Variants in NUP214 observed in about 807,000 individuals in gnomAD.
NUP214 encodes the protein nucleoporin 214, also known as nuclear pore complex protein Nup214.
NUP214 carries 79 observed loss-of-function variants against 196.2 expected under a neutral mutation model. The ratio of observed to expected loss-of-function variants is 0.40; its 90% CI spans 0.34 to 0.49. The LOEUF is 0.49. Among genes scored for constraint, NUP214 ranks in the 20% least tolerant of loss-of-function variants. The pLI is 0.58. For missense variants in NUP214, 2,468 were observed against 2,539.0 expected (o/e 0.97, Z 0.60); for synonymous variants, 1,020 against 990.5 (o/e 1.03, Z -0.56).
rs528302127 is a variant in NUP214, at chr9:131,233,541, T to C, written c.*54T>C. 2 of 1,606,914 alleles carry C rather than the reference T, an allele frequency of 1.2e-6. No individual in the cohort carries two copies. ...GGGACCAACCGCATCCTCAGCTTCTTCCCCGAGAAATGCTGGAGCAGGCTG... is the reference window on the plus strand; with the variant it reads ...GGGACCAACCGCATCCTCAGCTTCTCCCCCGAGAAATGCTGGAGCAGGCTG... On this transcript the variant is annotated 3_prime_UTR_variant, in exon 36 of 36. Coordinates refer to ENST00000359428, the MANE Select transcript of NUP214 (RefSeq NM_005085.4).
In NUP214 at chr9:131,127,635, G is replaced by C; in HGVS notation, c.157G>C (p.Ala53Pro). 6.2e-7 allele frequency: 1 copy of C among 1,614,104 alleles called. No homozygotes were observed. The highest frequency in any genetic ancestry group is 8.5e-7 in the Non-Finnish European group (1 of 1,180,002). ...AVSNKYGLVF[A>P]GGASGLQIFP... Reference sequence around the variant, plus strand: ...GTCCAACAAATATGGTCTGGTCTTCGCTGGTGGAGCCAGTGGCTTGCAGAT... The same window carrying C: ...GTCCAACAAATATGGTCTGGTCTTCCCTGGTGGAGCCAGTGGCTTGCAGAT... The change falls in exon 2 of 36, where the codon GCT becomes CCT. Residue 53 changes from alanine to proline, a missense_variant. This residue lies in a region of NUP214 where 392 missense variants were observed against 417.9 expected (regional missense o/e 0.94). Coordinates refer to ENST00000359428, the MANE Select transcript of NUP214 (RefSeq NM_005085.4).
chr9:131,213,235 G>T (rs1368371021), intron 30 of NUP214, among the ~76,000 whole-genome samples: 5 of 151,084 alleles, frequency 3.3e-5, no homozygotes, highest in African/African-American at 7.3e-5. Context: ...AAGTTCAATG[G>T]CACTATACTG....
At chr9:131,172,996 C>T (rs531547805) in intron 21 of NUP214, among the ~76,000 whole-genome samples, 1 of 152,312 alleles carries the variant, frequency 6.6e-6, no homozygotes, top group Admixed American at 6.5e-5. Flanking sequence ...AAGCCTTACT[C>T]TTCGTAGTCT....
chr9:131,230,582 G>A (rs1409325347), intron 33 of NUP214, 48 bp from the exon 34 acceptor site: 7 of 1,609,624 alleles, frequency 4.3e-6, no homozygotes, highest in South Asian at 1.1e-5. Flanking sequence ...AGATGGGCAA[G>A]TGGTGAGAGG....
intron 30 of NUP214, among the ~76,000 whole-genome samples, chr9:131,207,718 TATC>T (rs1261977947): frequency 5.9e-5 from 9 of 152,304 alleles, no homozygotes; most frequent in African/African-American, 2.2e-4. Flanking sequence ...CTTTGGAAAA[TATC>T]TGTCATAATG....
chr9:131,147,924 T>A (rs1289729678), intron 14 of NUP214, among the ~76,000 whole-genome samples: 1 of 152,236 alleles, frequency 6.6e-6, no homozygotes, highest in Non-Finnish European at 1.5e-5. Flanking sequence ...CAGTGGGTCA[T>A]GCCTGTAATC....
rs766663256 is a variant in NUP214, at chr9:131,228,154, G to C, written c.5903-6G>C. 2.5e-6 allele frequency: 4 copies of C among 1,569,116 alleles called. No individual in the cohort carries two copies. In the South Asian group the frequency reaches 4.7e-5, roughly 18 times the overall value. The stretch of plus-strand genomic sequence containing the variant: ...ATTTCTGTTTGTTTGCCTCTGTTTT[G>C]CTCAGGTGGCTTCGGTGCTGCTCCA... On this transcript the variant is annotated splice_polypyrimidine_tract_variant and splice_region_variant and intron_variant, in intron 32 of 35. Transcript: ENST00000359428.
chr9:131,168,587 A>G (rs1488418200), intron 21 of NUP214, among the ~76,000 whole-genome samples: 8 of 152,194 alleles, frequency 5.3e-5, no homozygotes, highest in Non-Finnish European at 1.2e-4. Context: ...AATTGCATAT[A>G]TTATGGAGTC....
intron 28 of NUP214, 112 bp downstream of exon 28, chr9:131,195,406 C>A: frequency 1.2e-6 from 1 of 818,664 alleles, no homozygotes; most frequent in Non-Finnish European, 2.1e-6. Context: ...CTTACAGTAT[C>A]TGCAATAAGC....
rs764027320 is a variant in NUP214 at position 131,146,342 on chromosome 9, G to T, written c.1945+38G>T. Reference sequence around the variant, plus strand: ...GCAGACAACTTTAGACCTCAGCCCTGCCTTCTCAGATTAACGGTTTTAAGT... The same window carrying T: ...GCAGACAACTTTAGACCTCAGCCCTTCCTTCTCAGATTAACGGTTTTAAGT... On this transcript the variant is annotated intron_variant, in intron 13 of 35. Coordinates refer to ENST00000359428, the MANE Select transcript of NUP214 (RefSeq NM_005085.4). The surrounding 1 kb of genome is among the most constrained non-coding windows in gnomAD (Gnocchi z 4.6). The T allele has an allele frequency of 6.9e-6, 11 of 1,590,928 alleles. No individual in the cohort carries two copies. Among genetic ancestry groups the T allele is most frequent in the Non-Finnish European group, 9.5e-6 (11 of 1,161,348 alleles).
At chr9:131,207,932 A>G (rs1834129353) in intron 30 of NUP214, among the ~76,000 whole-genome samples, 1 of 152,226 alleles carries the variant, frequency 6.6e-6, no homozygotes, top group African/African-American at 2.4e-5. Flanking sequence ...GGGGGCAAGC[A>G]AAATAAATGA....
At chr9:131,149,648 C>A (rs1162015428) in intron 14 of NUP214, among the ~76,000 whole-genome samples, 5 of 152,020 alleles carry the variant, frequency 3.3e-5, no homozygotes. Context: ...CTCTACATAG[C>A]AGCAAGAGGG....
chr9:131,192,932 C>T (rs1421021768), intron 27 of NUP214, among the ~76,000 whole-genome samples: 1 of 125,668 alleles, frequency 8.0e-6, no homozygotes, highest in Non-Finnish European at 1.6e-5. Flanking sequence ...CAGAGTGAAA[C>T]CCCGTCTCCA....
At chr9:131,154,213 ATAATT>A (rs1371450112) in intron 17 of NUP214, among the ~76,000 whole-genome samples, 1 of 152,184 alleles carries the variant, frequency 6.6e-6, no homozygotes, top group East Asian at 1.9e-4. Flanking sequence ...TATCCACAAA[ATAATT>A]TTTTTTTAAT....
rs1194488989 is a variant in NUP214, at chr9:131,163,065, G to T, written c.2615G>T (p.Arg872Met). ...ANNREIINQQRKRLNHLVDSL... is the reference protein window; with the variant it reads ...ANNREIINQQMKRLNHLVDSL... ...AATCGGGAAATCATCAACCAACAGA[G>T]GAAGAGGCTGAATCACCTGGTGGAT... Residue 872 changes from arginine to methionine, a missense_variant, in exon 19 of 36, where the codon AGG (arginine) becomes ATG (methionine). By Grantham distance (91) the Arg-to-Met change is moderately conservative. Coordinates refer to ENST00000359428, the MANE Select transcript of NUP214 (RefSeq NM_005085.4). 2 of 1,614,200 alleles carry T rather than the reference G, an allele frequency of 1.2e-6. No homozygotes were observed. The highest frequency in any genetic ancestry group is 1.7e-5 in the Admixed American group (1 of 60,026).
chr9:131,213,314 T>G (rs961826467), intron 30 of NUP214, among the ~76,000 whole-genome samples: 1 of 152,108 alleles, frequency 6.6e-6, no homozygotes, highest in Non-Finnish European at 1.5e-5. Context: ...TAGCTGGGAT[T>G]ATAGGAATGC....
At chr9:131,173,149 C>T (rs758714462) in intron 21 of NUP214, among the ~76,000 whole-genome samples, 10 of 152,206 alleles carry the variant, frequency 6.6e-5, no homozygotes, top group South Asian at 4.1e-4. Flanking sequence ...CTCCACCTGC[C>T]GGGTTCAAGC....
At chr9:131,155,360 G>GT (rs1376423910) in intron 17 of NUP214, among the ~76,000 whole-genome samples, 1 of 152,176 alleles carries the variant, frequency 6.6e-6, no homozygotes, top group Non-Finnish European at 1.5e-5. Flanking sequence ...TTGCTGATAT[G>GT]TTTGAGTTCC....
chr9:131,191,761 T>C (rs534407492), intron 26 of NUP214: 35 of 152,500 alleles, frequency 2.3e-4, no homozygotes, highest in African/African-American at 8.2e-4. Context: ...CCTATTTCTC[T>C]TTTGGATTTT....
Sources: allele counts gnomAD v4.1 joint callset (sites outside exome capture counted in the v4.1 genomes callset), GRCh38; gene constraint gnomAD v4.1.1; regional missense constraint gnomAD v4.1.1; non-coding constraint Gnocchi (gnomAD v3.1); transcripts MANE v1.5; gene names NCBI Gene and HGNC (gene_info 2026-07-23, HGNC 2026-07-21).